Variants in CD99L2 observed in about 807,000 individuals in gnomAD.
CD99L2 encodes CD99 antigen-like protein 2.
CD99L2 carries 24 observed loss-of-function variants against 27.3 expected under a neutral mutation model. The ratio of observed to expected loss-of-function variants is 0.88; its 90% CI spans 0.64 to 1.24. The LOEUF (loss-of-function observed/expected upper bound fraction) is 1.24, where lower values mean the gene tolerates loss of function less well. CD99L2 is among the 50% of genes most tolerant of loss of function. The pLI is 0.00. For synonymous variants in CD99L2, 97 were observed against 87.9 expected (o/e 1.10, Z -0.58); for missense variants, 255 against 221.6 (o/e 1.15, Z -0.96).
chrX:150,872,678 C>T (rs1471932956), intron 1 of CD99L2, among the ~76,000 whole-genome samples: 1 of 108,328 alleles, frequency 9.2e-6, no homozygotes, highest in Admixed American at 1.0e-4. Context: ...AAAAAAATCC[C>T]CCACTACTGA....
At chrX:150,869,927 G>A (rs2047129621) in intron 1 of CD99L2, among the ~76,000 whole-genome samples, 1 of 111,247 alleles carries the variant, frequency 9.0e-6, no homozygotes, top group African/African-American at 3.3e-5. Flanking sequence ...TGACTGGCAA[G>A]GTTGTTCTCA....
chrX:150,843,814 C>T (rs1557421408), intron 1 of CD99L2, among the ~76,000 whole-genome samples: 1 of 111,044 alleles, frequency 9.0e-6, no homozygotes. Flanking sequence ...TCACACTATC[C>T]CTACGTTTGT....
chrX:150,777,659 C>T (rs782812109), intron 7 of CD99L2, among the ~76,000 whole-genome samples, 177 bp from the exon 8 acceptor site: 3 of 112,920 alleles, frequency 2.7e-5, no homozygotes, highest in East Asian at 5.6e-4. Context: ...CTTTCTTATG[C>T]CTACCACCTG....
intron 1 of CD99L2, among the ~76,000 whole-genome samples, chrX:150,892,472 G>A: frequency 9.4e-6 from 1 of 106,502 alleles, no homozygotes; most frequent in East Asian, 3.0e-4. Flanking sequence ...CAGGTGTGGT[G>A]ACAGGCACCT....
chrX:150,806,012 C>A (rs968982323), intron 4 of CD99L2, among the ~76,000 whole-genome samples: 1 of 111,498 alleles, frequency 9.0e-6, no homozygotes, highest in Non-Finnish European at 1.9e-5. Flanking sequence ...GATAAAACTG[C>A]ATAGAAGTAA....
At chrX:150,890,223 A>AATCC (rs2124387784) in intron 1 of CD99L2, among the ~76,000 whole-genome samples, 1 of 111,494 alleles carries the variant, frequency 9.0e-6, no homozygotes, top group African/African-American at 3.3e-5. Flanking sequence ...TCACGCCTGT[A>AATCC]ATCCCAGCAC....
chrX:150,799,616 A>G (rs1424176891), intron 4 of CD99L2, among the ~76,000 whole-genome samples: 1 of 112,161 alleles, frequency 8.9e-6, no homozygotes. Flanking sequence ...CAATAAGCAC[A>G]TGAAAAGCTG....
At chrX:150,770,875 C>T (rs1208359281) in intron 9 of CD99L2, among the ~76,000 whole-genome samples, 1 of 112,820 alleles carries the variant, frequency 8.9e-6, no homozygotes, top group Non-Finnish European at 1.9e-5. Flanking sequence ...CGCGCGGAGG[C>T]CAACTGCTCC....
At chrX:150,858,608 T>C in intron 1 of CD99L2, among the ~76,000 whole-genome samples, 1 of 111,909 alleles carries the variant, frequency 8.9e-6, no homozygotes, top group East Asian at 2.8e-4. Flanking sequence ...AACCAATGGG[T>C]CAATGAAGAA....
At chrX:150,769,697 T>A (rs1569565834) in intron 10 of CD99L2, among the ~76,000 whole-genome samples, 4 of 78,507 alleles carry the variant, frequency 5.1e-5, no homozygotes, top group African/African-American at 1.6e-4. Context: ...AGGCCTCGGC[T>A]GCTCCCCGAC....
rs2043341869 is a variant in CD99L2, at chrX:150,768,140, T to C, written c.*894A>G. The C allele has an allele frequency of 8.9e-6, 1 of 111,942 alleles. No individual in the cohort carries two copies. The highest frequency in any genetic ancestry group is 3.3e-5 in the African/African-American group (1 of 30,732). 9.2% of individuals were successfully genotyped at this position (111,942 alleles called of 1,213,427 possible). On this transcript the variant is annotated 3_prime_UTR_variant, in exon 11 of 11. Transcript: ENST00000370377. ...CAAACAAGCAGGATTCTGGCTTTGATGCTCGTTCTTGACATCGGTCACTCT... is the reference window on the plus strand; with the variant it reads ...CAAACAAGCAGGATTCTGGCTTTGACGCTCGTTCTTGACATCGGTCACTCT...
chrX:150,845,805 T>C (rs1277703240), intron 1 of CD99L2, among the ~76,000 whole-genome samples: 1 of 112,600 alleles, frequency 8.9e-6, no homozygotes, highest in Non-Finnish European at 1.9e-5. Flanking sequence ...GCTGTCATGA[T>C]GTGTCACAAG....
intron 7 of CD99L2, among the ~76,000 whole-genome samples, chrX:150,782,290 T>A (rs1340772230): frequency 8.9e-6 from 1 of 112,198 alleles, no homozygotes; most frequent in Non-Finnish European, 1.9e-5. Flanking sequence ...AAATACCCCA[T>A]AGTTACCAAG....
intron 9 of CD99L2, among the ~76,000 whole-genome samples, chrX:150,772,055 C>G (rs1368784387): frequency 2.7e-5 from 3 of 112,569 alleles, no homozygotes; most frequent in African/African-American, 9.7e-5. Context: ...CCCCGGTCCC[C>G]TCTACCGCCA....
intron 9 of CD99L2, among the ~76,000 whole-genome samples, chrX:150,774,002 G>C (rs2043506989): frequency 1.8e-5 from 2 of 111,741 alleles, no homozygotes; most frequent in Admixed American, 9.5e-5. Flanking sequence ...AAATGTATCT[G>C]ACATGGTGCT....
At chrX:150,897,526 A>AGTGTGTGT (rs58656065) in intron 1 of CD99L2, among the ~76,000 whole-genome samples, 375 of 103,831 alleles carry the variant, frequency 3.6e-3, no homozygotes, top group African/African-American at 0.012. Context: ...ACTAGGACAA[A>AGTGTGTGT]GTGTGTGTGT....
In CD99L2 at chrX:150,887,321, C is replaced by T. The variant is rs187700693; in HGVS notation, c.67+11201G>A. On this transcript the variant is annotated intron_variant, in intron 1 of 10. Coordinates refer to ENST00000370377, the MANE Select transcript of CD99L2 (RefSeq NM_031462.4). ...ATTAGCCAGGCATGGTGGCGCATGC[C>T]TGTAATCGCAGCTACTCAGGAGGCT... Among the ~76,000 whole-genome samples the T allele has an allele frequency of 5.1e-4, 56 of 108,909 alleles. 1 individual carries two copies. Among genetic ancestry groups the T allele is most frequent in the African/African-American group, 1.6e-3 (49 of 29,921 alleles). 94.6% of individuals were successfully genotyped at this position (108,909 alleles called of 115,157 possible).
At chrX:150,771,521 T>A (rs181415226) in intron 9 of CD99L2, among the ~76,000 whole-genome samples, 91 of 111,513 alleles carry the variant, frequency 8.2e-4, no homozygotes, top group African/African-American at 2.8e-3. Context: ...TGGCCCTCTA[T>A]GTGCTCCCCA....
At chrX:150,892,804 G>A (rs782651778) in intron 1 of CD99L2, among the ~76,000 whole-genome samples, 1 of 109,452 alleles carries the variant, frequency 9.1e-6, no homozygotes, top group South Asian at 4.0e-4. Flanking sequence ...GCTGACTCCT[G>A]GATGGTTTCT....
Sources: gnomAD v4.1 joint callset for allele counts (sites outside exome capture counted in the v4.1 genomes callset) on GRCh38, gnomAD v4.1.1 for gene constraint, MANE v1.5 for transcripts, NCBI Gene and HGNC (gene_info 2026-07-23, HGNC 2026-07-21) for gene names.